Variants in TSPYL2 observed in about 807,000 individuals in gnomAD.
The protein encoded by TSPYL2 is TSPY like 2, also known as testis-specific Y-encoded-like protein 2.
Under a neutral mutation model 33.0 loss-of-function variants are expected in TSPYL2, and 9 were observed. The observed-to-expected ratio is 0.27, with a 90% confidence interval of 0.16 to 0.48. The LOEUF is 0.48. Ranked by LOEUF, TSPYL2 falls within the 20% of genes least tolerant of loss-of-function variation. The pLI is 0.99. For synonymous variants in TSPYL2, 330 were observed against 233.6 expected, an observed-to-expected ratio of 1.41 and a Z score of -3.77; for missense variants, 636 against 586.2, an observed-to-expected ratio of 1.08 and a Z score of -0.88.
intron 1 of TSPYL2, among the ~76,000 whole-genome samples, chrX:53,083,794 T>C (rs1218280309): frequency 9.0e-6 from 1 of 110,882 alleles, no homozygotes; most frequent in Non-Finnish European, 1.9e-5. Flanking sequence ...AGATTTTTGC[T>C]TAAGATACTA....
At chrX:53,083,799 A>ATAC (rs1295210474) in intron 1 of TSPYL2, among the ~76,000 whole-genome samples, 1 of 110,893 alleles carries the variant, frequency 9.0e-6, no homozygotes, top group African/African-American at 3.3e-5. Context: ...TTTGCTTAAG[A>ATAC]TACTAGGAGA....
In TSPYL2 at chrX:53,087,792, G is replaced by A. The variant is rs1413267947; in HGVS notation, c.1935G>A (p.Glu645=). 1 of 1,208,459 alleles carries A rather than the reference G, an allele frequency of 8.3e-7. No homozygotes were observed. Among genetic ancestry groups the A allele is most frequent in the Admixed American group, 2.2e-5 (1 of 45,679 alleles). ...CCTATGCAGGCATCCAGCAAGATGAGGACATCTATGAGGAAGGAAACTATG... is the reference window on the plus strand; with the variant it reads ...CCTATGCAGGCATCCAGCAAGATGAAGACATCTATGAGGAAGGAAACTATG... ...EGIEEGIQQD[E]DIYEEGNYEE... is the part of the protein sequence containing the mutation. The change falls in exon 7 of 7, where the codon GAG becomes GAA. Residue 645 remains glutamate (E), a synonymous_variant. Coordinates refer to ENST00000375442, the MANE Select transcript of TSPYL2 (RefSeq NM_022117.4).
At chrX:53,087,201 T>TA (rs1385067632) in intron 6 of TSPYL2, 1 of 111,962 alleles carries the variant, frequency 8.9e-6, no homozygotes, top group African/African-American at 3.3e-5. Context: ...GCCAGGGCAC[T>TA]AAGGGAAGAG....
In TSPYL2 at chrX:53,082,429, T is replaced by C; in HGVS notation, c.-70T>C. On this transcript the variant is annotated 5_prime_UTR_variant, in exon 1 of 7. Transcript: ENST00000375442. ...CCTCAGCTCTGCTTACCGGTGCGAC[T>C]AGCGGCAGCGACGCGGCTAAAAGCG... 1 of 1,023,786 alleles carries C rather than the reference T, an allele frequency of 9.8e-7. No homozygotes were observed. The allele number at this position is 1,023,786 out of a possible 1,213,427, so 84.4% of individuals were successfully genotyped here.
At position 53,086,086 on chromosome X, in the gene TSPYL2, C is replaced by A. The variant is rs1556808582; in HGVS notation, c.1694C>A (p.Ala565Glu). Residue 565 changes from alanine to glutamate, a missense_variant, in exon 6 of 7, where the codon GCA becomes GAA. Physicochemically the swap from Ala to Glu is moderately radical, Grantham distance 107. This residue lies in a region of TSPYL2 where 401 missense variants were observed against 363.0 expected (regional missense o/e 1.10). Transcript: ENST00000375442. ...GACAGCAGCGACAGTGACAATGAAG[C>A]AGATGAGGCCAGTGATGATGAAGAT... ...NQDSSDSDNE[A>E]DEASDDEDND... The A allele has an allele frequency of 8.5e-7, 1 of 1,172,612 alleles. No homozygotes were observed. Among genetic ancestry groups the A allele is most frequent in the Admixed American group, 2.6e-5 (1 of 39,093 alleles).
At position 53,082,507 on chromosome X, in the gene TSPYL2, C is replaced by T. The variant is rs781999970; in HGVS notation, c.9C>T (p.Arg3=). 5.2e-6 allele frequency: 6 copies of T among 1,159,629 alleles called. No individual in the cohort carries two copies. The highest frequency in any genetic ancestry group is 6.9e-6 in the Non-Finnish European group (6 of 873,818). ...GTACGAACGCGGTCGCCATGGACCG[C>T]CCAGATGAGGGGCCTCCGGCCAAGA... The part of the protein sequence containing the change: MD[R]PDEGPPAKTR... The change falls in exon 1 of 7, where the codon CGC becomes CGT. Residue 3 remains arginine (R), a synonymous_variant. Coordinates refer to ENST00000375442, the MANE Select transcript of TSPYL2 (RefSeq NM_022117.4).
chrX:53,087,614 CCACA>C (rs1208649607), intron 6 of TSPYL2, 158 bp from the exon 7 acceptor site: 26 of 492,473 alleles, frequency 5.3e-5, no homozygotes, highest in Middle Eastern at 5.9e-4. Context: ...TTGAGTACAC[CCACA>C]CACACTCTTG....
In TSPYL2 at chrX:53,082,900, T is replaced by G; in HGVS notation, c.402T>G (p.Val134=). The G allele has an allele frequency of 8.3e-7, 1 of 1,210,797 alleles. No individual in the cohort carries two copies. The highest frequency in any genetic ancestry group is 3.0e-5 in the East Asian group (1 of 33,817). The part of the protein sequence containing the change: ...SGGSLEIDFQ[V]VQSSSFGGEG... ...GGAGCCTGGAAATCGATTTTCAGGT[T>G]GTACAGTCGAGCAGTTTTGGTGGAG... The change falls in exon 1 of 7, where the codon GTT becomes GTG. Residue 134 remains valine, a synonymous_variant. Transcript: ENST00000375442.
At chrX:53,084,425 A>G (rs1355845338) in intron 1 of TSPYL2, 120 bp from the exon 2 acceptor site, 1 of 603,294 alleles carries the variant, frequency 1.7e-6, no homozygotes, top group African/African-American at 2.3e-5. Flanking sequence ...CTTTATACAC[A>G]CCACATAAGC....
At position 53,084,629 on chromosome X, in the gene TSPYL2, C is replaced by T; in HGVS notation, c.885+7C>T. ...CTACTTGACCAATCTGCAGGTCAGG[C>T]CAGAGAGACATTTTTTAGTAGGATC... is the stretch of plus-strand genomic sequence containing the variant. On this transcript the variant is annotated splice_region_variant and intron_variant, in intron 2 of 6. Coordinates refer to ENST00000375442, the MANE Select transcript of TSPYL2 (RefSeq NM_022117.4). 1 of 1,206,709 alleles carries T rather than the reference C, an allele frequency of 8.3e-7. No individual in the cohort carries two copies. The highest frequency in any genetic ancestry group is 1.1e-6 in the Non-Finnish European group (1 of 892,177).
chrX:53,085,300 A>G lies in TSPYL2; in HGVS notation c.1217A>G (p.Lys406Arg). The change falls in exon 5 of 7, where the codon AAG (lysine) becomes AGG (arginine). Residue 406 changes from lysine to arginine, a missense_variant. Physicochemically the swap from Lys to Arg is conservative, Grantham distance 26. Transcript: ENST00000375442. Reference sequence around the variant, plus strand: ...GAAAGGGGCTCCAGGATAAAGAGAAAGAAGCAAGAAATGAAGAAACGGTAA... The same window carrying G: ...GAAAGGGGCTCCAGGATAAAGAGAAGGAAGCAAGAAATGAAGAAACGGTAA... ...LRERGSRIKR[K>R]KQEMKKRKTR... 8.3e-7 allele frequency: 1 copy of G among 1,208,197 alleles called. No homozygotes were observed. The highest frequency in any genetic ancestry group is 1.1e-6 in the Non-Finnish European group (1 of 893,906).
At position 53,082,693 on chromosome X, in the gene TSPYL2, A is replaced by G; in HGVS notation, c.195A>G (p.Gly65=). ...TGCTGGCCGATATGAGGGGGGTGGG[A>G]CTGGGCCCCGCGCTGCCCCCGCCGC... ...AQVLADMRGV[G]LGPALPPPPP... is the part of the protein sequence containing the mutation. Residue 65 remains glycine, a synonymous_variant, in exon 1 of 7, where the codon GGA becomes GGG. Transcript: ENST00000375442. 3 of 1,145,179 alleles carry G rather than the reference A, an allele frequency of 2.6e-6. No homozygotes were observed. The highest frequency in any genetic ancestry group is 3.5e-6 in the Non-Finnish European group (3 of 866,246). 94.4% of individuals were successfully genotyped at this position (1,145,179 alleles called of 1,213,427 possible). A position where few individuals can be genotyped will look rare whatever the true frequency, so the allele number is the denominator to read the frequency against.
At chrX:53,087,736 C>T in intron 6 of TSPYL2, 40 bp from the exon 7 acceptor site, 2 of 1,172,000 alleles carry the variant, frequency 1.7e-6, no homozygotes, top group Non-Finnish European at 2.3e-6. Flanking sequence ...CATCTAACTG[C>T]CTTCCTCCAT....
rs782022963 is a variant in TSPYL2 at position 53,082,863 on chromosome X, A to G, written c.365A>G (p.Glu122Gly). 8.3e-7 allele frequency: 1 copy of G among 1,209,265 alleles called. No individual in the cohort carries two copies. The highest frequency in any genetic ancestry group is 1.1e-6 in the Non-Finnish European group (1 of 894,615). ...TESLEALPTP[E>G]ASGGSLEIDF... ...AGCCTGGAAGCACTCCCCACTCCTG[A>G]GGCCTCGGGGGGGAGCCTGGAAATC... Residue 122 changes from glutamate (E) to glycine (G), a missense_variant, in exon 1 of 7, where the codon GAG becomes GGG. Coordinates refer to ENST00000375442, the MANE Select transcript of TSPYL2 (RefSeq NM_022117.4).
chrX:53,087,922 A>T lies in TSPYL2; in HGVS notation c.2065A>T (p.Arg689Trp). 7.4e-6 allele frequency: 9 copies of T among 1,211,513 alleles called. No homozygotes were observed. The highest frequency in any genetic ancestry group is 1.0e-5 in the Non-Finnish European group (9 of 895,361). Reference sequence around the variant, plus strand: ...AAACGGTTGGGCCAATCCGGGGAAGAGGGGGAAAACCGGATAAGGGTTTTC... The same window carrying T: ...AAACGGTTGGGCCAATCCGGGGAAGTGGGGGAAAACCGGATAAGGGTTTTC... Reference protein sequence around the residue: ...VPNGWANPGKRGKTG With the variant: ...VPNGWANPGKWGKTG Residue 689 changes from arginine to tryptophan, a missense_variant, in exon 7 of 7, where the codon AGG (arginine) becomes TGG (tryptophan). By Grantham distance (101) the Arg-to-Trp change is moderately radical. Around this residue, in one of 3 missense-constraint regions of TSPYL2, gnomAD observed 401 missense variants for 363.0 expected, o/e 1.10. Transcript: ENST00000375442.
Position 53,085,957 on chromosome X carries a change from AC to A in TSPYL2, c.1566del (p.Asn522LysfsTer102). ...DDNNENPEDN[N>X]KNTDDNEENP... ...AACAACGAGAATCCTGAAGACAATA[AC>A]AAGAACACTGATGACAACGAAGAGA... On this transcript the variant is annotated frameshift_variant, in exon 6 of 7. Transcript: ENST00000375442. LOFTEE classifies it high-confidence loss of function. The A allele has an allele frequency of 8.3e-7, 1 of 1,205,205 alleles. No individual in the cohort carries two copies. Among genetic ancestry groups the A allele is most frequent in the Non-Finnish European group, 1.1e-6 (1 of 891,926 alleles).
Position 53,082,847 on chromosome X carries a change from G to A in TSPYL2, c.349G>A (p.Ala117Thr). 1 of 1,208,343 alleles carries A rather than the reference G, an allele frequency of 8.3e-7. No homozygotes were observed. The highest frequency in any genetic ancestry group is 1.1e-6 in the Non-Finnish European group (1 of 894,099). Residue 117 changes from alanine to threonine, a missense_variant, in exon 1 of 7, where the codon GCA becomes ACA. By Grantham distance (58) the Ala-to-Thr change is moderately conservative. Coordinates refer to ENST00000375442, the MANE Select transcript of TSPYL2 (RefSeq NM_022117.4). ...EAPPPTESLE[A>T]LPTPEASGGS... ...GCCCCCGCCCACGGAGAGCCTGGAAGCACTCCCCACTCCTGAGGCCTCGGG... is the reference window on the plus strand; with the variant it reads ...GCCCCCGCCCACGGAGAGCCTGGAAACACTCCCCACTCCTGAGGCCTCGGG...
intron 6 of TSPYL2, 160 bp from the exon 7 acceptor site, chrX:53,087,614 CCA>C (rs1208649607): frequency 5.3e-5 from 26 of 489,799 alleles, no homozygotes; most frequent in Non-Finnish European, 8.2e-5. Context: ...TTGAGTACAC[CCA>C]CACACACTCT....
At position 53,086,299 on chromosome X, in the gene TSPYL2, G is replaced by C; in HGVS notation, c.1907G>C (p.Gly636Ala). 8.3e-7 allele frequency: 1 copy of C among 1,203,570 alleles called. No homozygotes were observed. ...IISDESVEEE[G>A]IEEGIQQDED... ...TCAGACGAATCAGTGGAAGAAGAGG[G>C]CATTGAGGAAGGTGAGCTAATCCCC... Residue 636 changes from glycine to alanine, a missense_variant, in exon 6 of 7, where the codon GGC (glycine) becomes GCC (alanine). This residue lies in a region of TSPYL2 where 401 missense variants were observed against 363.0 expected (regional missense o/e 1.10). Transcript: ENST00000375442.
Sources: gnomAD v4.1 joint callset for allele counts (sites outside exome capture counted in the v4.1 genomes callset) on GRCh38, gnomAD v4.1.1 for gene constraint, gnomAD v4.1.1 regional missense constraint, MANE v1.5 for transcripts, NCBI Gene and HGNC (gene_info 2026-07-23, HGNC 2026-07-21) for gene names.